Variants in MED27 observed in about 807,000 individuals in gnomAD.
MED27 encodes the protein mediator complex subunit 27, also known as mediator of RNA polymerase II transcription subunit 27.
Under a neutral mutation model 38.2 loss-of-function variants are expected in MED27, and 30 were observed. That is an observed-to-expected ratio of 0.79 (90% CI 0.59 to 1.07). The LOEUF (loss-of-function observed/expected upper bound fraction) is 1.07. MED27 is among the 50% of genes least tolerant of loss of function. The probability of loss-of-function intolerance (pLI) is 0.00; values close to 1 mark genes in which losing one functional copy is unlikely to be tolerated. For synonymous variants in MED27, 122 were observed against 153.5 expected (o/e 0.79, Z 1.52); for missense variants, 289 against 397.5 (o/e 0.73, Z 2.32).
At chr9:132,058,203 C>G (rs912796734) in intron 2 of MED27, among the ~76,000 whole-genome samples, 2 of 152,148 alleles carry the variant, frequency 1.3e-5, no homozygotes, top group Non-Finnish European at 2.9e-5. Flanking sequence ...TGTGCATAAT[C>G]TAGGGACACT....
At chr9:131,898,101 ATTTTT>A in intron 4 of MED27, among the ~76,000 whole-genome samples, 1 of 131,908 alleles carries the variant, frequency 7.6e-6, no homozygotes, top group South Asian at 2.4e-4. Flanking sequence ...TGCAGGTTTG[ATTTTT>A]TTTTTTTTTT....
chr9:131,961,848 C>T (rs1457345254), intron 3 of MED27, among the ~76,000 whole-genome samples: 6 of 152,254 alleles, frequency 3.9e-5, no homozygotes, highest in South Asian at 2.1e-4. Flanking sequence ...GCACCCTTAG[C>T]GCTATTTTCT....
intron 2 of MED27, among the ~76,000 whole-genome samples, chr9:132,053,230 G>A (rs1359127710): frequency 6.6e-6 from 1 of 150,722 alleles, no homozygotes. Context: ...TCCAGCCTGG[G>A]CGACAGAGCG....
chr9:132,038,120 C>CTCAT (rs147264332), intron 2 of MED27, among the ~76,000 whole-genome samples: 7 of 151,670 alleles, frequency 4.6e-5, no homozygotes, highest in Middle Eastern at 3.5e-3. Flanking sequence ...AGGCTACACT[C>CTCAT]TCATTCATTC....
chr9:132,078,444 A>T (rs1834103953), intron 1 of MED27, among the ~76,000 whole-genome samples: 1 of 152,148 alleles, frequency 6.6e-6, no homozygotes, highest in Non-Finnish European at 1.5e-5. Flanking sequence ...TGGAAAGAAA[A>T]CAGAAGATAG....
intron 3 of MED27, among the ~76,000 whole-genome samples, chr9:132,012,168 T>C (rs1358767096): frequency 6.6e-6 from 1 of 152,222 alleles, no homozygotes; most frequent in South Asian, 2.1e-4. Flanking sequence ...AGAAAGTCTT[T>C]TACTTCTCGC....
At chr9:131,951,166 G>T (rs1830988815) in intron 3 of MED27, among the ~76,000 whole-genome samples, 1 of 152,188 alleles carries the variant, frequency 6.6e-6, no homozygotes. Flanking sequence ...CCTCTTAAGT[G>T]AATTGCTTTC....
intron 3 of MED27, among the ~76,000 whole-genome samples, chr9:131,990,068 A>T (rs1177208346): frequency 6.6e-6 from 1 of 152,120 alleles, no homozygotes; most frequent in Non-Finnish European, 1.5e-5. Flanking sequence ...CCGCACACAG[A>T]ACCTGCCCCA....
chr9:132,001,385 A>C (rs1340344377), intron 3 of MED27, among the ~76,000 whole-genome samples: 2 of 152,234 alleles, frequency 1.3e-5, no homozygotes, highest in Non-Finnish European at 2.9e-5. Flanking sequence ...AACCTGAAAA[A>C]ATACAGCTAT....
intron 3 of MED27, among the ~76,000 whole-genome samples, chr9:131,973,457 CTTTTTT>C (rs747946439): frequency 1.6e-5 from 2 of 122,172 alleles, no homozygotes; most frequent in African/African-American, 6.3e-5. Flanking sequence ...TTTTTCTTTT[CTTTTTT>C]TTTTTTTTTT....
At chr9:131,888,822 TC>T in intron 5 of MED27, among the ~76,000 whole-genome samples, 1 of 152,242 alleles carries the variant, frequency 6.6e-6, no homozygotes, top group African/African-American at 2.4e-5. Context: ...CTGCTGACCC[TC>T]CCCAGAGAAT....
At chr9:132,041,307 C>T (rs1263067822) in intron 2 of MED27, among the ~76,000 whole-genome samples, 1 of 152,146 alleles carries the variant, frequency 6.6e-6, no homozygotes, top group East Asian at 1.9e-4. Flanking sequence ...CTGAACTGAG[C>T]ACGCACACAC....
chr9:131,928,400 T>G (rs1218178487), intron 4 of MED27, among the ~76,000 whole-genome samples: 1 of 151,950 alleles, frequency 6.6e-6, no homozygotes, highest in African/African-American at 2.4e-5. Context: ...ATAATAAGAA[T>G]GAAAAATCAG....
At chr9:132,015,135 T>C (rs2131077846) in intron 2 of MED27, among the ~76,000 whole-genome samples, 1 of 152,332 alleles carries the variant, frequency 6.6e-6, no homozygotes, top group East Asian at 1.9e-4. Flanking sequence ...TCAGAACCAC[T>C]GAGCTATCTT....
intron 6 of MED27, among the ~76,000 whole-genome samples, chr9:131,863,904 A>G (rs550117050): frequency 3.9e-5 from 6 of 152,166 alleles, no homozygotes; most frequent in Admixed American, 3.3e-4. Flanking sequence ...CAGTGAAGGC[A>G]TCAGGTGACC....
intron 6 of MED27, among the ~76,000 whole-genome samples, chr9:131,881,668 T>C (rs1233614216): frequency 6.6e-6 from 1 of 152,138 alleles, no homozygotes; most frequent in Non-Finnish European, 1.5e-5. Context: ...CTACGGTACA[T>C]TTGTCACAAC....
chr9:132,025,182 ATT>A (rs11306470), intron 2 of MED27, among the ~76,000 whole-genome samples: 203 of 144,162 alleles, frequency 1.4e-3, no homozygotes, highest in Non-Finnish European at 1.4e-3. Context: ...ATTAGAGTGA[ATT>A]TTTTTTTTTT....
chr9:132,021,761 TA>T (rs1363660997), intron 2 of MED27, among the ~76,000 whole-genome samples: 8 of 152,186 alleles, frequency 5.3e-5, no homozygotes, highest in African/African-American at 1.7e-4. Flanking sequence ...CAGGTTTAGA[TA>T]AGGTCATGAG....
chr9:131,928,062 A>G (rs1830514440), intron 4 of MED27, among the ~76,000 whole-genome samples: 1 of 152,236 alleles, frequency 6.6e-6, no homozygotes, highest in Non-Finnish European at 1.5e-5. Context: ...TACCAAAAGC[A>G]GATGAGATTT....
Sources: gnomAD v4.1 joint callset for allele counts (sites outside exome capture counted in the v4.1 genomes callset) on GRCh38, gnomAD v4.1.1 for gene constraint, MANE v1.5 for transcripts, NCBI Gene and HGNC (gene_info 2026-07-23, HGNC 2026-07-21) for gene names.